NEURL1: variants seen among roughly 807,000 people sequenced by gnomAD.
The protein encoded by NEURL1 is E3 ubiquitin-protein ligase NEURL1.
Under a neutral mutation model 41.2 loss-of-function variants are expected in NEURL1, and 26 were observed. The ratio of observed to expected loss-of-function variants is 0.63; its 90% CI spans 0.46 to 0.87. The LOEUF (loss-of-function observed/expected upper bound fraction) is 0.87. Ranked by LOEUF, NEURL1 falls within the 40% of genes least tolerant of loss-of-function variation. The probability of loss-of-function intolerance (pLI) is 0.00; values close to 1 mark genes in which losing one functional copy is unlikely to be tolerated. For missense variants in NEURL1, 761 were observed against 871.1 expected, an observed-to-expected ratio of 0.87 and a Z score of 1.59; for synonymous variants, 400 against 402.3, an observed-to-expected ratio of 0.99 and a Z score of 0.07.
intron 1 of NEURL1, among the ~76,000 whole-genome samples, chr10:103,512,804 T>G (rs1261948854): frequency 6.6e-6 from 1 of 152,080 alleles, no homozygotes; most frequent in Non-Finnish European, 1.5e-5. Context: ...TTAAGCTAGT[T>G]GTGTCCACAC....
At chr10:103,516,869 T>C (rs1422940034) in intron 1 of NEURL1, among the ~76,000 whole-genome samples, 3 of 151,886 alleles carry the variant, frequency 2.0e-5, no homozygotes, top group Admixed American at 6.6e-5. Flanking sequence ...CTTTCTTCCT[T>C]CCTCCCTCCC....
intron 2 of NEURL1, 122 bp from the exon 3 acceptor site, chr10:103,571,378 AC>A (rs2035540714): frequency 8.3e-6 from 9 of 1,083,940 alleles, no homozygotes; most frequent in Non-Finnish European, 1.0e-5. Context: ...CTGGGAGGGA[AC>A]TGTGCTGGAA....
intron 4 of NEURL1, among the ~76,000 whole-genome samples, chr10:103,586,258 G>A (rs1246976745): frequency 6.6e-6 from 1 of 152,154 alleles, no homozygotes; most frequent in African/African-American, 2.4e-5. Flanking sequence ...TTTTCACAAA[G>A]TGTCTCCTGG....
In NEURL1 at chr10:103,556,122, TCAGA is replaced by T. The variant is rs1157629801; in HGVS notation, c.86-14744_86-14741del. The stretch of plus-strand genomic sequence containing the variant: ...TGAGCCCTGCAGGTCACGTCCACAG[TCAGA>T]CAGACCCACAGCCTGGAGCTGGAGG... On this transcript the variant is annotated intron_variant, in intron 1 of 5. Coordinates refer to ENST00000369780, the MANE Select transcript of NEURL1 (RefSeq NM_004210.5). This position sits in a 1 kb window ranked among gnomAD's most constrained non-coding sequence, Gnocchi z 4.4. 6.6e-6 allele frequency among the ~76,000 whole-genome samples: 1 copy of T among 152,144 alleles called. No homozygotes were observed. Among genetic ancestry groups the T allele is most frequent in the African/African-American group, 2.4e-5 (1 of 41,434 alleles).
chr10:103,573,894 T>C (rs1252861489), intron 3 of NEURL1, among the ~76,000 whole-genome samples: 2 of 152,240 alleles, frequency 1.3e-5, no homozygotes, highest in Non-Finnish European at 2.9e-5. Flanking sequence ...CTTCTCTCCA[T>C]CTTTGTGTGC....
At chr10:103,541,744 A>G (rs1207888990) in intron 1 of NEURL1, among the ~76,000 whole-genome samples, 1 of 152,184 alleles carries the variant, frequency 6.6e-6, no homozygotes, top group Non-Finnish European at 1.5e-5. Flanking sequence ...TCTCAGGCCT[A>G]TCTATTGCAA....
chr10:103,584,232 G>A (rs2133884568), intron 3 of NEURL1, among the ~76,000 whole-genome samples: 1 of 152,260 alleles, frequency 6.6e-6, no homozygotes, highest in East Asian at 1.9e-4. Flanking sequence ...TTTAAATTAT[G>A]AGGAATACAA....
chr10:103,517,637 G>T (rs1280610736), intron 1 of NEURL1, among the ~76,000 whole-genome samples: 1 of 152,208 alleles, frequency 6.6e-6, no homozygotes, highest in African/African-American at 2.4e-5. Flanking sequence ...AGTCCACAAA[G>T]GTTCATGAGT....
intron 1 of NEURL1, among the ~76,000 whole-genome samples, chr10:103,500,584 C>T (rs1181682434): frequency 6.6e-6 from 1 of 152,198 alleles, no homozygotes; most frequent in African/African-American, 2.4e-5. Context: ...AAAGGGCACA[C>T]AATGGGGTTC....
At chr10:103,533,473 G>C (rs2034617464) in intron 1 of NEURL1, among the ~76,000 whole-genome samples, 1 of 148,866 alleles carries the variant, frequency 6.7e-6, no homozygotes, top group South Asian at 2.1e-4. Flanking sequence ...AGGTTCAAGT[G>C]ATTCTCCTGC....
Position 103,584,691 on chromosome 10 carries a change from G to T in NEURL1, c.805G>T (p.Ala269Ser). 1.4e-6 allele frequency: 2 copies of T among 1,435,362 alleles called. No individual in the cohort carries two copies. The highest frequency in any genetic ancestry group is 3.0e-5 in the East Asian group (1 of 33,604). 88.9% of individuals were successfully genotyped at this position (1,435,362 alleles called of 1,614,324 possible). The change falls in exon 4 of 6, where the codon GCC becomes TCC. Residue 269 changes from alanine to serine, a missense_variant. By Grantham distance (99) the Ala-to-Ser change is moderately conservative. Transcript: ENST00000369780. ...GADGDEAAPA[A>S]GCPIPQNSLN... ...GGACGGCGACGAGGCCGCGCCGGCCGCCGGCTGCCCCATCCCGCAGAACTC... is the reference window on the plus strand; with the variant it reads ...GGACGGCGACGAGGCCGCGCCGGCCTCCGGCTGCCCCATCCCGCAGAACTC...
At chr10:103,498,121 G>A (rs533600909) in intron 1 of NEURL1, among the ~76,000 whole-genome samples, 1 of 152,320 alleles carries the variant, frequency 6.6e-6, no homozygotes, top group South Asian at 2.1e-4. Context: ...CAGAGTGACT[G>A]GGGTAGGGTG....
chr10:103,587,395 G>A (rs4917394), intron 4 of NEURL1, among the ~76,000 whole-genome samples: 56,267 of 152,062 alleles, frequency 0.37, 10,878 homozygotes, highest in South Asian at 0.54. Flanking sequence ...AGGAGGATAG[G>A]CCAAGGTGGG....
At chr10:103,523,708 T>G (rs940881456) in intron 1 of NEURL1, among the ~76,000 whole-genome samples, 1 of 152,224 alleles carries the variant, frequency 6.6e-6, no homozygotes, top group Non-Finnish European at 1.5e-5. Context: ...TTTATCTTTC[T>G]GTACCTGGCT....
intron 1 of NEURL1, among the ~76,000 whole-genome samples, chr10:103,518,301 A>AT: frequency 6.6e-6 from 1 of 152,184 alleles, no homozygotes; most frequent in African/African-American, 2.4e-5. Flanking sequence ...GCCTGTTTGC[A>AT]TTTAGAGTGC....
At position 103,494,189 on chromosome 10, in the gene NEURL1, G is replaced by A; in HGVS notation, c.-199G>A. On this transcript the variant is annotated 5_prime_UTR_variant, in exon 1 of 6. In the 5' UTR this introduces an upstream ATG that the reference lacks. Coordinates refer to ENST00000369780, the MANE Select transcript of NEURL1 (RefSeq NM_004210.5). ...TAGCCCAGCCTGCGCCAGGACACCCGTGGCGGGCGGAACCCGCCAAGGACC... is the reference window on the plus strand; with the variant it reads ...TAGCCCAGCCTGCGCCAGGACACCCATGGCGGGCGGAACCCGCCAAGGACC... 1 of 501,710 alleles carries A rather than the reference G, an allele frequency of 2.0e-6. No individual in the cohort carries two copies. Among genetic ancestry groups the A allele is most frequent in the South Asian group, 2.7e-5 (1 of 37,268 alleles). The allele number at this position is 501,710 out of a possible 1,614,324, so 31.1% of individuals were successfully genotyped here. A position where few individuals can be genotyped will look rare whatever the true frequency, so the allele number is the denominator to read the frequency against.
In NEURL1 at chr10:103,494,392, G is replaced by C. The variant is rs779730023; in HGVS notation, c.5G>C (p.Gly2Ala). The C allele has an allele frequency of 1.2e-5, 19 of 1,590,728 alleles. 3 individuals are homozygous for C. The South Asian group carries it at 2.2e-4, about 18-fold the overall frequency. Reference sequence around the variant, plus strand: ...AACCTCCTGGGGCCGGATGCCATGGGTAACAACTTCTCCAGTATCCCCTCG... The same window carrying C: ...AACCTCCTGGGGCCGGATGCCATGGCTAACAACTTCTCCAGTATCCCCTCG... M[G>A]NNFSSIPSLP... Residue 2 changes from glycine (G) to alanine (A), a missense_variant, in exon 1 of 6, where the codon GGT becomes GCT. Physicochemically the swap from Gly to Ala is moderately conservative, Grantham distance 60 (BLOSUM62 0). Around this residue, in one of 5 missense-constraint regions of NEURL1, gnomAD observed 94 missense variants for 96.6 expected, o/e 0.97. Transcript: ENST00000369780.
At chr10:103,497,605 C>T (rs1297226540) in intron 1 of NEURL1, among the ~76,000 whole-genome samples, 1 of 152,192 alleles carries the variant, frequency 6.6e-6, no homozygotes, top group Non-Finnish European at 1.5e-5. Context: ...GGGTGATAGA[C>T]TTTGGTCTTC....
intron 3 of NEURL1, among the ~76,000 whole-genome samples, chr10:103,583,757 A>T (rs2035835561): frequency 6.7e-6 from 1 of 149,694 alleles, no homozygotes; most frequent in Non-Finnish European, 1.5e-5. Context: ...AAACCCAAAA[A>T]TACAGCCTTT....
Sources: allele counts gnomAD v4.1 joint callset (sites outside exome capture counted in the v4.1 genomes callset), GRCh38; gene constraint gnomAD v4.1.1; regional missense constraint gnomAD v4.1.1; non-coding constraint Gnocchi (gnomAD v3.1); transcripts MANE v1.5; gene names NCBI Gene and HGNC (gene_info 2026-07-23, HGNC 2026-07-21).